Variants in ARHGEF38 observed in about 807,000 individuals in gnomAD.
ARHGEF38 encodes the protein Rho guanine nucleotide exchange factor (GEF) 38.
In ARHGEF38, 79 loss-of-function variants were observed where a neutral mutation model predicts 79.9. The ratio of observed to expected loss-of-function variants is 0.99; its 90% CI spans 0.82 to 1.19. The LOEUF is 1.19. ARHGEF38 is among the 50% of genes most tolerant of loss of function. ARHGEF38 has a pLI of 0.00. For missense variants in ARHGEF38, 962 were observed against 907.2 expected (o/e 1.06, Z -0.78); for synonymous variants, 366 against 328.3 (o/e 1.11, Z -1.24).
intron 13 of ARHGEF38, among the ~76,000 whole-genome samples, chr4:105,675,573 A>G (rs1731091077): frequency 6.6e-6 from 1 of 152,224 alleles, no homozygotes; most frequent in Non-Finnish European, 1.5e-5. Flanking sequence ...AGGTCAAATC[A>G]ATAAATATTT....
At chr4:105,627,395 T>C (rs1728991447) in intron 3 of ARHGEF38, among the ~76,000 whole-genome samples, 1 of 151,922 alleles carries the variant, frequency 6.6e-6, no homozygotes, top group African/African-American at 2.4e-5. Context: ...CACGTGAGAG[T>C]ATGGAAATAG....
At chr4:105,562,232 A>G (rs752847114) in intron 1 of ARHGEF38, among the ~76,000 whole-genome samples, 6 of 152,170 alleles carry the variant, frequency 3.9e-5, no homozygotes, top group Non-Finnish European at 7.4e-5. Context: ...CTTTCATACC[A>G]TCTATTACTC....
intron 1 of ARHGEF38, among the ~76,000 whole-genome samples, chr4:105,587,543 C>A (rs1036269022): frequency 1.3e-5 from 2 of 152,198 alleles, no homozygotes; most frequent in African/African-American, 4.8e-5. Flanking sequence ...TCACTGCAAG[C>A]TCCACCTCCC....
intron 10 of ARHGEF38, among the ~76,000 whole-genome samples, chr4:105,661,531 C>T (rs1730564499): frequency 6.7e-6 from 1 of 148,688 alleles, no homozygotes; most frequent in South Asian, 2.1e-4. Context: ...TATAGCTATC[C>T]TAATGGGTGT....
chr4:105,631,298 CA>C, intron 4 of ARHGEF38: 1 of 1,115,562 alleles, frequency 9.0e-7, no homozygotes, highest in Non-Finnish European at 1.1e-6. Flanking sequence ...AATGCAATAT[CA>C]AAATATAAAA....
intron 7 of ARHGEF38, among the ~76,000 whole-genome samples, chr4:105,650,433 A>C (rs1730051245): frequency 6.6e-6 from 1 of 152,206 alleles, no homozygotes; most frequent in African/African-American, 2.4e-5. Context: ...TTCAGGGCCC[A>C]GTACCAGCAA....
At chr4:105,651,302 G>A (rs1183214319) in intron 7 of ARHGEF38, among the ~76,000 whole-genome samples, 1 of 152,200 alleles carries the variant, frequency 6.6e-6, no homozygotes, top group Non-Finnish European at 1.5e-5. Flanking sequence ...GGCTGGACGG[G>A]AAAAGAGATA....
At chr4:105,617,881 G>A (rs1728571941) in intron 3 of ARHGEF38, among the ~76,000 whole-genome samples, 1 of 152,078 alleles carries the variant, frequency 6.6e-6, no homozygotes, top group Admixed American at 6.5e-5. Flanking sequence ...GACTTATGAA[G>A]AGAAGCCTTT....
In ARHGEF38 at chr4:105,594,760, G is replaced by A. The variant is rs115136264; in HGVS notation, c.384+5325G>A. Among the ~76,000 whole-genome samples the A allele has an allele frequency of 3.5e-3, 530 of 152,266 alleles. 3 individuals are homozygous for A. Among genetic ancestry groups the A allele is most frequent in the African/African-American group, 0.012 (487 of 41,552 alleles). On this transcript the variant is annotated intron_variant, in intron 2 of 13. Coordinates refer to ENST00000420470, the MANE Select transcript of ARHGEF38 (RefSeq NM_001242729.2). ...CTGTAAACTTTAATCTTAACTTCAAGGCTTTTCTATGTCAGACCTTTACCG... is the reference window on the plus strand; with the variant it reads ...CTGTAAACTTTAATCTTAACTTCAAAGCTTTTCTATGTCAGACCTTTACCG...
At chr4:105,672,466 G>T (rs1392874376) in intron 13 of ARHGEF38, among the ~76,000 whole-genome samples, 2 of 152,114 alleles carry the variant, frequency 1.3e-5, no homozygotes, top group Admixed American at 6.6e-5. Context: ...TAATTTTTAA[G>T]TTCTTCATTT....
intron 13 of ARHGEF38, among the ~76,000 whole-genome samples, chr4:105,669,004 C>A (rs2110580282): frequency 6.6e-6 from 1 of 152,226 alleles, no homozygotes; most frequent in East Asian, 1.9e-4. Context: ...CGTGATCATG[C>A]CACTGCACTC....
intron 7 of ARHGEF38, among the ~76,000 whole-genome samples, chr4:105,652,484 G>C (rs551326396): frequency 1.2e-4 from 18 of 152,158 alleles, no homozygotes; most frequent in Non-Finnish European, 2.6e-4. Flanking sequence ...AGGATTTATA[G>C]AATGGGTGAC....
chr4:105,590,646 A>G (rs950577719), intron 2 of ARHGEF38, among the ~76,000 whole-genome samples: 2 of 152,172 alleles, frequency 1.3e-5, no homozygotes, highest in African/African-American at 2.4e-5. Flanking sequence ...GTTTCCTTAT[A>G]TCCTTAGAAT....
At chr4:105,669,018 C>T (rs1435797382) in intron 13 of ARHGEF38, among the ~76,000 whole-genome samples, 1 of 152,092 alleles carries the variant, frequency 6.6e-6, no homozygotes, top group Non-Finnish European at 1.5e-5. Flanking sequence ...TGCACTCCAG[C>T]CTGGGCAACA....
chr4:105,601,172 C>A (rs1232147111), intron 2 of ARHGEF38, among the ~76,000 whole-genome samples: 1 of 152,130 alleles, frequency 6.6e-6, no homozygotes, highest in African/African-American at 2.4e-5. Flanking sequence ...CAGGGGCTGG[C>A]CCTCATTCTC....
chr4:105,554,228 G>T (rs1255095062), intron 1 of ARHGEF38, among the ~76,000 whole-genome samples: 1 of 151,984 alleles, frequency 6.6e-6, no homozygotes, highest in East Asian at 1.9e-4. Context: ...TTAGATTCAG[G>T]GGGTATATAT....
chr4:105,577,828 T>G (rs1726580272), intron 1 of ARHGEF38, among the ~76,000 whole-genome samples: 1 of 152,176 alleles, frequency 6.6e-6, no homozygotes, highest in Admixed American at 6.5e-5. Context: ...CTTTTCTTGG[T>G]TAATCTTGCT....
chr4:105,578,449 A>G (rs1206087613), intron 1 of ARHGEF38, among the ~76,000 whole-genome samples: 5 of 152,152 alleles, frequency 3.3e-5, no homozygotes, highest in Admixed American at 1.3e-4. Context: ...TTTGTTATAG[A>G]ATATAAGTTA....
At chr4:105,622,149 A>G (rs1728761001) in intron 3 of ARHGEF38, among the ~76,000 whole-genome samples, 1 of 152,128 alleles carries the variant, frequency 6.6e-6, no homozygotes, top group Non-Finnish European at 1.5e-5. Context: ...AAAAAGTCTT[A>G]CAGTTCTGAT....
Sources: allele counts gnomAD v4.1 joint callset (sites outside exome capture counted in the v4.1 genomes callset), GRCh38; gene constraint gnomAD v4.1.1; transcripts MANE v1.5; gene names NCBI Gene and HGNC (gene_info 2026-07-23, HGNC 2026-07-21).